ANKRD18A: variants seen among roughly 807,000 people sequenced by gnomAD.
ANKRD18A encodes ankyrin repeat domain-containing protein 18A.
A neutral mutation model predicts 110.6 loss-of-function variants in ANKRD18A; 72 were observed. The observed-to-expected ratio is 0.65, with a 90% confidence interval of 0.54 to 0.79. ANKRD18A has a LOEUF of 0.79. Ranked by LOEUF, ANKRD18A falls within the 30% of genes least tolerant of loss-of-function variation. The probability of loss-of-function intolerance (pLI) is 0.00; values close to 1 mark genes in which losing one functional copy is unlikely to be tolerated. For missense variants in ANKRD18A, 934 were observed against 1,163.3 expected, an observed-to-expected ratio of 0.80 and a Z score of 2.87; for synonymous variants, 305 against 410.3, an observed-to-expected ratio of 0.74 and a Z score of 3.10.
At chr9:38,577,440 T>G (rs1021407542) in intron 13 of ANKRD18A, among the ~76,000 whole-genome samples, 176 bp from the exon 14 acceptor site, 1 of 152,198 alleles carries the variant, frequency 6.6e-6, no homozygotes, top group African/African-American at 2.4e-5. Context: ...AATTCAGAAT[T>G]GTCTGATTTA....
intron 12 of ANKRD18A, 135 bp downstream of exon 12, chr9:38,586,048 C>T (rs368717321): frequency 7.8e-5 from 76 of 968,280 alleles, no homozygotes; most frequent in South Asian, 1.4e-4. Context: ...CTAATGCCTA[C>T]GGGGCTTAAT....
rs1388004737 is a variant in ANKRD18A, at chr9:38,572,357, T to C, written c.2965-298A>G. 1.2e-5 allele frequency: 3 copies of C among 241,192 alleles called. No individual in the cohort carries two copies. In the Admixed American group the frequency reaches 1.7e-4, roughly 14 times the overall value. 14.9% of individuals were successfully genotyped at this position (241,192 alleles called of 1,614,324 possible). On this transcript the variant is annotated intron_variant, in intron 15 of 15. Transcript: ENST00000399703. ...GGCATGGTCCACCTCCCAATAGTCA[T>C]ATGCTATAACCTAAAAGACCGGCAG...
At chr9:38,608,431 C>T (rs1441825443) in intron 5 of ANKRD18A, among the ~76,000 whole-genome samples, 1 of 151,624 alleles carries the variant, frequency 6.6e-6, no homozygotes, top group Non-Finnish European at 1.5e-5. Context: ...AACATATTTG[C>T]ATGTAACATC....
intron 11 of ANKRD18A, among the ~76,000 whole-genome samples, chr9:38,588,316 A>G (rs1205708471): frequency 6.6e-6 from 1 of 152,016 alleles, no homozygotes; most frequent in African/African-American, 2.4e-5. Context: ...TTGTGTTTTT[A>G]TACTGAAATT....
At chr9:38,598,108 T>C (rs9408302) in intron 8 of ANKRD18A, among the ~76,000 whole-genome samples, 1,681 of 152,308 alleles carry the variant, frequency 0.011, 32 homozygotes, top group African/African-American at 0.038. Context: ...CAAGGTCAGA[T>C]ACATTTTCAT....
chr9:38,620,543 C>A lies in ANKRD18A; in HGVS notation c.-258G>T. Reference sequence around the variant, plus strand: ...GACCTCTCAGACCGAGTGAGCCCAGCTAAGCCGTTAGGCGCGCGCCTGAAC... The same window carrying A: ...GACCTCTCAGACCGAGTGAGCCCAGATAAGCCGTTAGGCGCGCGCCTGAAC... On this transcript the variant is annotated 5_prime_UTR_variant, in exon 1 of 16. Coordinates refer to ENST00000399703, the MANE Select transcript of ANKRD18A (RefSeq NM_147195.4). The A allele has an allele frequency of 7.5e-7, 1 of 1,326,258 alleles. No individual in the cohort carries two copies. Among genetic ancestry groups the A allele is most frequent in the Non-Finnish European group, 9.7e-7 (1 of 1,031,580 alleles). 82.2% of individuals were successfully genotyped at this position (1,326,258 alleles called of 1,614,324 possible).
rs1826044934 is a variant in ANKRD18A at position 38,620,400 on chromosome 9, C to G, written c.-115G>C. On this transcript the variant is annotated 5_prime_UTR_variant, in exon 1 of 16. Coordinates refer to ENST00000399703, the MANE Select transcript of ANKRD18A (RefSeq NM_147195.4). ...ATCTCCCCCGCAACCCGCGATCCCC[C>G]CCGCAACCCGCGATCCACCCCCAAA... The G allele has an allele frequency of 1.5e-6, 2 of 1,348,422 alleles. No homozygotes were observed. The highest frequency in any genetic ancestry group is 2.5e-5 in the East Asian group (1 of 39,220). 83.5% of individuals were successfully genotyped at this position (1,348,422 alleles called of 1,614,324 possible).
intron 1 of ANKRD18A, among the ~76,000 whole-genome samples, chr9:38,617,255 C>T (rs1587550958): frequency 6.6e-6 from 1 of 152,152 alleles, no homozygotes; most frequent in South Asian, 2.1e-4. Context: ...GCCTGGCCAA[C>T]ATAGTGAAAC....
At chr9:38,583,913 TA>T in intron 12 of ANKRD18A, among the ~76,000 whole-genome samples, 1 of 152,278 alleles carries the variant, frequency 6.6e-6, no homozygotes, top group Non-Finnish European at 1.5e-5. Context: ...CTACACCAGA[TA>T]AAACGTCCGG....
At chr9:38,585,792 A>T (rs1181901209) in intron 12 of ANKRD18A, among the ~76,000 whole-genome samples, 2 of 152,236 alleles carry the variant, frequency 1.3e-5, no homozygotes, top group Admixed American at 6.5e-5. Context: ...GGATAAAAAA[A>T]TGTGGTGTAT....
chr9:38,598,362 G>C (rs1563968223), intron 8 of ANKRD18A, among the ~76,000 whole-genome samples: 1 of 152,152 alleles, frequency 6.6e-6, no homozygotes, highest in Non-Finnish European at 1.5e-5. Context: ...TTATGAGAAT[G>C]TTTTCCAGAA....
At position 38,579,169 on chromosome 9, in the gene ANKRD18A, C is replaced by G. The variant is rs118139764; in HGVS notation, c.2248-1021G>C. Reference sequence around the variant, plus strand: ...TGATACTAGCTTCCTATCTATATAGCACCATATAGCAAAATAAACTCAGAA... The same window carrying G: ...TGATACTAGCTTCCTATCTATATAGGACCATATAGCAAAATAAACTCAGAA... On this transcript the variant is annotated intron_variant, in intron 12 of 15. Transcript: ENST00000399703. Among the ~76,000 whole-genome samples, 415 of 152,252 alleles carry G rather than the reference C, an allele frequency of 2.7e-3. 11 individuals carry two copies. The East Asian group carries it at 0.068, about 25-fold the overall frequency.
At chr9:38,574,098 A>C (rs971337986) in intron 15 of ANKRD18A, among the ~76,000 whole-genome samples, 2 of 152,078 alleles carry the variant, frequency 1.3e-5, no homozygotes, top group African/African-American at 2.4e-5. Flanking sequence ...TATTGTTCCC[A>C]TGTTTATGTC....
chr9:38,616,960 T>C (rs1336353077), intron 1 of ANKRD18A, among the ~76,000 whole-genome samples: 2 of 152,098 alleles, frequency 1.3e-5, no homozygotes, highest in Non-Finnish European at 2.9e-5. Flanking sequence ...ATATAGAAAA[T>C]AGTAGGGTAT....
At chr9:38,566,801 T>TAGGGAGG (rs1823494407), downstream of ANKRD18A, 1 of 151,644 alleles carries the variant, frequency 6.6e-6, no homozygotes, top group Non-Finnish European at 1.5e-5. Flanking sequence ...ACATGCAGAG[T>TAGGGAGG]AGGGAGGTGA....
intron 10 of ANKRD18A, among the ~76,000 whole-genome samples, chr9:38,591,586 T>C (rs1824651503): frequency 6.6e-6 from 1 of 152,250 alleles, no homozygotes; most frequent in African/African-American, 2.4e-5. Context: ...ATTAGCATGA[T>C]AATTTTCACT....
At chr9:38,605,262 T>C (rs1825302091) in intron 6 of ANKRD18A, among the ~76,000 whole-genome samples, 1 of 152,224 alleles carries the variant, frequency 6.6e-6, no homozygotes, top group Non-Finnish European at 1.5e-5. Context: ...AGATACATGA[T>C]AGTTATTATT....
At position 38,610,362 on chromosome 9, in the gene ANKRD18A, G is replaced by T. The variant is rs141972649; in HGVS notation, c.651C>A (p.Thr217=). 1.9e-6 allele frequency: 3 copies of T among 1,550,648 alleles called. No homozygotes were observed. The highest frequency in any genetic ancestry group is 2.6e-6 in the Non-Finnish European group (3 of 1,146,650). The change falls in exon 5 of 16, where the codon ACC becomes ACA. Residue 217 remains threonine, a synonymous_variant. Transcript: ENST00000399703. ...TACGTATATTTTGTTGAAGCAGGAG[G>T]GTGACGATACTTGACAAGTTATGCT... The part of the protein sequence containing the change: ...AVQHNLSSIV[T]LLLQQNIRIS...
chr9:38,594,137 G>T (rs10814722), intron 9 of ANKRD18A, among the ~76,000 whole-genome samples: 16 of 151,906 alleles, frequency 1.1e-4, no homozygotes, highest in Non-Finnish European at 2.4e-4. Flanking sequence ...GATCCAGCCC[G>T]CTATTCACTC....
Sources: gnomAD v4.1 joint callset for allele counts (sites outside exome capture counted in the v4.1 genomes callset) on GRCh38, gnomAD v4.1.1 for gene constraint, MANE v1.5 for transcripts, NCBI Gene and HGNC (gene_info 2026-07-23, HGNC 2026-07-21) for gene names.